The following ITGB8 variants were observed in gnomAD, a reference collection of about 807,000 sequenced individuals.
ITGB8 encodes integrin beta-8.
A neutral mutation model predicts 89.5 loss-of-function variants in ITGB8; 30 were observed. That is an observed-to-expected ratio of 0.34 (90% CI 0.25 to 0.45). ITGB8 has a LOEUF of 0.45. ITGB8 is among the 20% of genes least tolerant of loss of function. The pLI is 1.00. For missense variants in ITGB8, 836 were observed against 933.3 expected, an observed-to-expected ratio of 0.90 and a Z score of 1.36; for synonymous variants, 335 against 320.4, an observed-to-expected ratio of 1.05 and a Z score of -0.49.
chr7:20,402,005 T>C lies in ITGB8; in HGVS notation c.1566T>C (p.Gly522=), dbSNP rs1260643040. 11 of 1,614,078 alleles carry C rather than the reference T, an allele frequency of 6.8e-6. No homozygotes were observed. Among genetic ancestry groups the C allele is most frequent in the Non-Finnish European group, 9.3e-6 (11 of 1,180,026 alleles). Residue 522 remains glycine (G), a synonymous_variant, in exon 10 of 14, where the codon GGT becomes GGC. Transcript: ENST00000222573. Reference sequence around the variant, plus strand: ...ACAAGGATCAGCCTGTTTGCAGTGGTCGAGGAGTTTGTGTTTGTGGGAAAT... The same window carrying C: ...ACAAGGATCAGCCTGTTTGCAGTGGCCGAGGAGTTTGTGTTTGTGGGAAAT... The part of the protein sequence containing the change: ...KSHKDQPVCS[G]RGVCVCGKCS...
At chr7:20,406,249 C>G in intron 12 of ITGB8, 78 bp downstream of exon 12, 1 of 946,926 alleles carries the variant, frequency 1.1e-6, no homozygotes, top group Non-Finnish European at 1.7e-6. Context: ...CCATAATTAA[C>G]CATGCTAAAG....
chr7:20,338,721 T>A (rs1375392679), intron 1 of ITGB8, among the ~76,000 whole-genome samples: 1 of 152,198 alleles, frequency 6.6e-6, no homozygotes, highest in African/African-American at 2.4e-5. Context: ...AGTCTGGTAG[T>A]CTTGACTACC....
At chr7:20,378,218 T>C (rs1490231470) in intron 3 of ITGB8, among the ~76,000 whole-genome samples, 1 of 152,220 alleles carries the variant, frequency 6.6e-6, no homozygotes, top group African/African-American at 2.4e-5. Flanking sequence ...CTAAATAAAA[T>C]TGTAGTTCCC....
In ITGB8 at chr7:20,331,900, G is replaced by C; in HGVS notation, c.94G>C (p.Val32Leu). The change falls in exon 1 of 14, where the codon GTG becomes CTG. Residue 32 changes from valine (V) to leucine (L), a missense_variant. Physicochemically the swap from Val to Leu is conservative, Grantham distance 32. Coordinates refer to ENST00000222573, the MANE Select transcript of ITGB8 (RefSeq NM_002214.3). Reference sequence around the variant, plus strand: ...CGCCTCGTTCCTCTGGGCAGCCTGGGTGTTTTCACTTGTTCTTGGACTGGG... The same window carrying C: ...CGCCTCGTTCCTCTGGGCAGCCTGGCTGTTTTCACTTGTTCTTGGACTGGG... Reference protein sequence around the residue: ...GPASFLWAAWVFSLVLGLGQG... With the variant: ...GPASFLWAAWLFSLVLGLGQG... 1 of 1,614,206 alleles carries C rather than the reference G, an allele frequency of 6.2e-7. No individual in the cohort carries two copies.
intron 1 of ITGB8, among the ~76,000 whole-genome samples, chr7:20,345,768 T>C (rs1784903334): frequency 6.6e-6 from 1 of 152,042 alleles, no homozygotes; most frequent in Non-Finnish European, 1.5e-5. Context: ...TGTAGAGAAG[T>C]TGCAGTTACT....
Position 20,413,379 on chromosome 7 carries a change from T to C in ITGB8, c.*3382T>C, listed in dbSNP as rs1787829597. ...ATATATTTTTAATATTTACTTAATATCCACTGAAGATATCTTTATGCAAGA... is the reference window on the plus strand; with the variant it reads ...ATATATTTTTAATATTTACTTAATACCCACTGAAGATATCTTTATGCAAGA... On this transcript the variant is annotated 3_prime_UTR_variant, in exon 14 of 14. Transcript: ENST00000222573. The C allele has an allele frequency of 6.6e-6, 1 of 152,502 alleles. No homozygotes were observed. The highest frequency in any genetic ancestry group is 2.1e-4 in the South Asian group (1 of 4,832). The allele number at this position is 152,502 out of a possible 1,614,324, so 9.4% of individuals were successfully genotyped here.
chr7:20,408,377 CAAA>C (rs3032573), intron 12 of ITGB8, among the ~76,000 whole-genome samples: 67 of 97,294 alleles, frequency 6.9e-4, no homozygotes, highest in African/African-American at 1.5e-3. Context: ...TACCTTATCA[CAAA>C]AAAAAAAAAA....
chr7:20,395,256 A>T (rs1176513864), intron 8 of ITGB8, among the ~76,000 whole-genome samples: 2 of 152,214 alleles, frequency 1.3e-5, no homozygotes, highest in Admixed American at 1.3e-4. Context: ...TCCAGTGCTC[A>T]GTGAATCATC....
rs17365581 is a variant in ITGB8, at chr7:20,411,863, T to G, written c.*1866T>G. 0.047 allele frequency: 7,223 copies of G among 152,114 alleles called. 229 individuals carry two copies. Among genetic ancestry groups the G allele is most frequent in the Middle Eastern group, 0.088 (26 of 294 alleles). The allele number at this position is 152,114 out of a possible 1,614,324, so 9.4% of individuals were successfully genotyped here. ...TTCTCCAGTGCTCAGCTTGAGACCT[T>G]GATACACGGGCCATGAGCCCTGTCT... is the stretch of plus-strand genomic sequence containing the variant. On this transcript the variant is annotated 3_prime_UTR_variant, in exon 14 of 14. Coordinates refer to ENST00000222573, the MANE Select transcript of ITGB8 (RefSeq NM_002214.3).
intron 2 of ITGB8, chr7:20,366,594 A>C (rs1443115987): frequency 6.3e-6 from 1 of 158,046 alleles, no homozygotes; most frequent in Admixed American, 6.5e-5. Flanking sequence ...GTAAAACCCC[A>C]TCTCTACAAA....
At chr7:20,332,105 T>A in intron 1 of ITGB8, 172 bp downstream of exon 1, 1 of 1,341,462 alleles carries the variant, frequency 7.5e-7, no homozygotes, top group South Asian at 1.7e-5. Context: ...AGGCCAGGTG[T>A]CAAGCATTTC....
chr7:20,362,103 C>A (rs1785524760), intron 1 of ITGB8, among the ~76,000 whole-genome samples: 1 of 152,214 alleles, frequency 6.6e-6, no homozygotes. Context: ...GCACTTCTAA[C>A]TGCAAACACA....
intron 3 of ITGB8, among the ~76,000 whole-genome samples, chr7:20,376,317 A>G (rs1447382357): frequency 3.9e-5 from 6 of 152,168 alleles, no homozygotes; most frequent in Non-Finnish European, 8.8e-5. Flanking sequence ...TCATTAATTA[A>G]ATCATTTCCA....
At chr7:20,395,541 G>A (rs915101363) in intron 8 of ITGB8, among the ~76,000 whole-genome samples, 2 of 152,204 alleles carry the variant, frequency 1.3e-5, no homozygotes, top group Non-Finnish European at 2.9e-5. Flanking sequence ...GTTGTATGCT[G>A]TCATCAGTCC....
chr7:20,380,052 T>A (rs1244365817), intron 4 of ITGB8: 2 of 152,240 alleles, frequency 1.3e-5, no homozygotes, highest in Non-Finnish European at 2.9e-5. Flanking sequence ...ACATTCCAAT[T>A]TACCGAAACA....
Position 20,331,241 on chromosome 7 carries a change from G to C in ITGB8, c.-566G>C, listed in dbSNP as rs775249566. On this transcript the variant is annotated 5_prime_UTR_variant, in exon 1 of 14. Coordinates refer to ENST00000222573, the MANE Select transcript of ITGB8 (RefSeq NM_002214.3). ...CGGGGCTGCAAAGCTGCAACTAATG[G>C]TGTTGGCCTCCCTGCCCACCTGTGG... 3.8e-6 allele frequency: 1 copy of C among 262,660 alleles called. No individual in the cohort carries two copies. Among genetic ancestry groups the C allele is most frequent in the Non-Finnish European group, 7.1e-6 (1 of 140,154 alleles). The allele number at this position is 262,660 out of a possible 1,614,324, so 16.3% of individuals were successfully genotyped here.
chr7:20,365,239 G>C (rs940121968), intron 2 of ITGB8: 1 of 152,372 alleles, frequency 6.6e-6, no homozygotes, highest in Non-Finnish European at 1.5e-5. Flanking sequence ...GTGGCTGCTG[G>C]AGGGGAGAAG....
chr7:20,403,021 G>A (rs896028238), intron 10 of ITGB8, among the ~76,000 whole-genome samples: 4 of 152,052 alleles, frequency 2.6e-5, no homozygotes, highest in Non-Finnish European at 2.9e-5. Context: ...AATTATTGAC[G>A]AATGGAAACG....
chr7:20,346,555 G>A (rs942416641), intron 1 of ITGB8: 6 of 195,476 alleles, frequency 3.1e-5, no homozygotes, highest in Admixed American at 6.5e-5. Flanking sequence ...CAGTGGCTGA[G>A]GGGCAAGGGG....
Sources: gnomAD v4.1 joint callset for allele counts (sites outside exome capture counted in the v4.1 genomes callset) on GRCh38, gnomAD v4.1.1 for gene constraint, MANE v1.5 for transcripts, NCBI Gene and HGNC (gene_info 2026-07-23, HGNC 2026-07-21) for gene names.